Variants in IFT140 observed in about 807,000 individuals in gnomAD.
IFT140 encodes the protein intraflagellar transport protein 140 homolog.
In IFT140, 133 loss-of-function variants were observed where a neutral mutation model predicts 164.6. That is an observed-to-expected ratio of 0.81 (90% CI 0.70 to 0.93). The LOEUF (loss-of-function observed/expected upper bound fraction) is 0.93, where lower values mean the gene tolerates loss of function less well. Among genes scored for constraint, IFT140 ranks in the 40% least tolerant of loss-of-function variants. The pLI is 0.00. For synonymous variants in IFT140, 860 were observed against 817.3 expected (o/e 1.05, Z -0.89); for missense variants, 2,045 against 1,972.3 (o/e 1.04, Z -0.70).
intron 19 of IFT140, chr16:1,534,594 G>A (rs372773972): frequency 7.5e-6 from 12 of 1,595,780 alleles, no homozygotes; most frequent in East Asian, 2.2e-5. Flanking sequence ...CAGCGTGGCC[G>A]AGGCTCGAGG....
Position 1,534,565 on chromosome 16 carries a change from A to G in IFT140, c.2400-7769T>C, listed in dbSNP as rs375107209. 1.3e-5 allele frequency: 21 copies of G among 1,600,486 alleles called. No individual in the cohort carries two copies. The East Asian group carries it at 1.6e-4, about 12-fold the overall frequency. The stretch of plus-strand genomic sequence containing the variant: ...CGAGGCACCGTCAAACGTAAGTCCA[A>G]TTGTTTTCCTGATGCCTTCAGCGTG... On this transcript the variant is annotated intron_variant, in intron 19 of 30. Transcript: ENST00000426508.
rs750247837 is a variant in IFT140 at position 1,586,229 on chromosome 16, C to A, written c.1056G>T (p.Arg352Ser). The A allele has an allele frequency of 6.2e-7, 1 of 1,614,026 alleles. No homozygotes were observed. The highest frequency in any genetic ancestry group is 8.5e-7 in the Non-Finnish European group (1 of 1,180,000). ...GGCTGCCCAGGAAGTCTGGTACTTT[C>A]CTCCACATGGCTACTCGCCCTCTGT... The part of the protein sequence containing the change: ...GTDRGRVAMW[R>S]KVPDFLGSPG... Residue 352 changes from arginine to serine, a missense_variant, in exon 10 of 31, where the codon AGG becomes AGT. By Grantham distance (110) the Arg-to-Ser change is moderately radical (BLOSUM62 -1). Transcript: ENST00000426508.
At chr16:1,595,288 TAAAC>T (rs548828185) in intron 4 of IFT140, among the ~76,000 whole-genome samples, 61 of 140,794 alleles carry the variant, frequency 4.3e-4, no homozygotes, top group African/African-American at 1.1e-3. Flanking sequence ...TCGTCTCAAA[TAAAC>T]AAACAAACAA....
At position 1,524,792 on chromosome 16, in the gene IFT140, C is replaced by T; in HGVS notation, c.2989G>A (p.Val997Ile). The change falls in exon 23 of 31, where the codon GTC (valine) becomes ATC (isoleucine). Residue 997 changes from valine (V) to isoleucine (I), a missense_variant. Val to Ile is a conservative substitution (Grantham distance 29). Transcript: ENST00000426508. ...LVRIHCFQGN[V>I]QKAAQIANET... ...CCCTGCGGGGACCTTACCTTCTGGA[C>T]ATTGCCCTGGAAGCAGTGGATGCGG... is the stretch of plus-strand genomic sequence containing the variant. The T allele has an allele frequency of 6.2e-7, 1 of 1,608,306 alleles. No homozygotes were observed. The highest frequency in any genetic ancestry group is 1.1e-5 in the South Asian group (1 of 90,948).
At chr16:1,591,258 T>C (rs944953561) in intron 6 of IFT140, among the ~76,000 whole-genome samples, 1 of 152,096 alleles carries the variant, frequency 6.6e-6, no homozygotes, top group African/African-American at 2.4e-5. Flanking sequence ...TCATTAGCCT[T>C]CCTGGGGGGC....
chr16:1,558,237 C>G (rs1025698014), intron 18 of IFT140, 103 bp from the exon 19 acceptor site: 3 of 1,114,904 alleles, frequency 2.7e-6, no homozygotes, highest in Non-Finnish European at 4.0e-6. Context: ...GGGAGAAATC[C>G]CTCTGCAGAC....
At chr16:1,522,990 G>A (rs1041301356) in intron 26 of IFT140, among the ~76,000 whole-genome samples, 1 of 152,144 alleles carries the variant, frequency 6.6e-6, no homozygotes, top group Non-Finnish European at 1.5e-5. Context: ...GGAGGCTGAG[G>A]CAGGAGGATT....
intron 14 of IFT140, among the ~76,000 whole-genome samples, chr16:1,571,151 T>C (rs2141629670): frequency 6.6e-6 from 1 of 152,316 alleles, no homozygotes; most frequent in African/African-American, 2.4e-5. Context: ...CATGCACTCA[T>C]CATATAGAAG....
Position 1,520,143 on chromosome 16 carries a change from G to A in IFT140, c.3861C>T (p.Asp1287=), listed in dbSNP as rs143899594. ...RALDLLAGFY[D]ACAQVEIDEY... is the part of the protein sequence containing the mutation. ...GGAGGGCCTGCACCTGGGCACAAGC[G>A]TCATAAAAGCCAGCCAGGAGGTCCA... The change falls in exon 28 of 31, where the codon GAC becomes GAT. Residue 1287 remains aspartate (D), a synonymous_variant. Coordinates refer to ENST00000426508, the MANE Select transcript of IFT140 (RefSeq NM_014714.4). The A allele has an allele frequency of 1.5e-4, 236 of 1,614,072 alleles. 2 individuals are homozygous for A. The highest frequency in any genetic ancestry group is 1.2e-3 in the African/African-American group (93 of 75,072).
rs764243187 is a variant in IFT140 at position 1,558,022 on chromosome 16, G to A, written c.2312C>T (p.Ala771Val). 7 of 1,613,880 alleles carry A rather than the reference G, an allele frequency of 4.3e-6. No individual in the cohort carries two copies. The African/African-American group carries it at 5.3e-5, about 12-fold the overall frequency. Residue 771 changes from alanine to valine, a missense_variant, in exon 19 of 31, where the codon GCC becomes GTC. Ala to Val is a moderately conservative substitution (Grantham distance 64). Transcript: ENST00000426508. Reference sequence around the variant, plus strand: ...GAAGTGGAGCATGGCGTCCCGGGTGGCCTTGTCGCAGTCCTCCAGCCCCAC... The same window carrying A: ...GAAGTGGAGCATGGCGTCCCGGGTGACCTTGTCGCAGTCCTCCAGCCCCAC... Reference protein sequence around the residue: ...DFVGLEDCDKATRDAMLHFSF... With the variant: ...DFVGLEDCDKVTRDAMLHFSF...
chr16:1,534,994 C>T (rs562394141), intron 19 of IFT140, among the ~76,000 whole-genome samples: 80 of 152,038 alleles, frequency 5.3e-4, no homozygotes, highest in African/African-American at 1.8e-3. Flanking sequence ...TGCTTGAGGC[C>T]AAGAGTTCAA....
At chr16:1,560,308 G>A (rs541568081) in intron 18 of IFT140, among the ~76,000 whole-genome samples, 6 of 152,324 alleles carry the variant, frequency 3.9e-5, no homozygotes, top group African/African-American at 1.2e-4. Context: ...GCACCACGCC[G>A]GCCTCTGCTG....
rs200076064 is a variant in IFT140, at chr16:1,589,707, C to T, written c.708G>A (p.Leu236=). ...VVSADSTIQM[L]FYMEKREALV... is the part of the protein sequence containing the mutation. ...GTGCCTCCCTCTTCTCCATGTAGAA[C>T]AGCATCTGAATCGTGCTGTCTGCGG... Residue 236 remains leucine, a synonymous_variant, in exon 7 of 31, where the codon CTG becomes CTA. Coordinates refer to ENST00000426508, the MANE Select transcript of IFT140 (RefSeq NM_014714.4). The T allele has an allele frequency of 1.8e-5, 29 of 1,614,188 alleles. No individual in the cohort carries two copies. Among genetic ancestry groups the T allele is most frequent in the Admixed American group, 3.3e-5 (2 of 60,020 alleles).
chr16:1,581,727 A>C (rs2034568903), intron 12 of IFT140, among the ~76,000 whole-genome samples: 1 of 112,814 alleles, frequency 8.9e-6, no homozygotes, highest in Non-Finnish European at 1.8e-5. Context: ...AGGAGAGGGG[A>C]GGGGAGGAGC....
chr16:1,533,576 T>A lies in IFT140; in HGVS notation c.2400-6780A>T, dbSNP rs2030737402. The stretch of plus-strand genomic sequence containing the variant: ...CTGGCCTTTCCCATCAGGAAGCACA[T>A]CCTGTTGGTGTCTGGCTGCCGCGGC... On this transcript the variant is annotated intron_variant, in intron 19 of 30. Transcript: ENST00000426508. This position sits in a 1 kb window ranked among gnomAD's most constrained non-coding sequence, Gnocchi z 4.7. 6.6e-6 allele frequency: 1 copy of A among 152,312 alleles called. No individual in the cohort carries two copies. The highest frequency in any genetic ancestry group is 2.4e-5 in the African/African-American group (1 of 41,458). The allele number at this position is 152,312 out of a possible 1,614,324, so 9.4% of individuals were successfully genotyped here.
rs930943042 is a variant in IFT140, at chr16:1,524,986, C to T, written c.2865-70G>A. The T allele has an allele frequency of 2.6e-6, 4 of 1,551,826 alleles. No individual in the cohort carries two copies. In the African/African-American group the frequency reaches 4.0e-5, roughly 16 times the overall value. On this transcript the variant is annotated intron_variant, in intron 22 of 30. Coordinates refer to ENST00000426508, the MANE Select transcript of IFT140 (RefSeq NM_014714.4). ...CCAACCCGGGACGGCCCCCACCCCG[C>T]CCCTGTGCCACCCTTAGAGTGCATG...
chr16:1,609,762 A>G (rs1409165694), intron 2 of IFT140, among the ~76,000 whole-genome samples: 1 of 152,238 alleles, frequency 6.6e-6, no homozygotes, highest in Non-Finnish European at 1.5e-5. Flanking sequence ...ATAATTTAAA[A>G]AGTTAACACA....
Position 1,553,965 on chromosome 16 carries a change from C to A in IFT140, c.2399+3970G>T, listed in dbSNP as rs768066738. 2.3e-6 allele frequency: 3 copies of A among 1,287,042 alleles called. No homozygotes were observed. Among genetic ancestry groups the A allele is most frequent in the Non-Finnish European group, 2.0e-6 (2 of 988,652 alleles). The allele number at this position is 1,287,042 out of a possible 1,614,324, so 79.7% of individuals were successfully genotyped here. ...ACTGTAAGTGAAACTGTAGCATCAG[C>A]GACTAACTAGACGGGAACAAGCTGC... On this transcript the variant is annotated intron_variant, in intron 19 of 30. Coordinates refer to ENST00000426508, the MANE Select transcript of IFT140 (RefSeq NM_014714.4). This position sits in a 1 kb window ranked among gnomAD's most constrained non-coding sequence, Gnocchi z 4.4.
At chr16:1,538,564 C>T (rs2031310046) in intron 19 of IFT140, among the ~76,000 whole-genome samples, 1 of 152,170 alleles carries the variant, frequency 6.6e-6, no homozygotes, top group African/African-American at 2.4e-5. Context: ...GAGCCCTGGG[C>T]AGGGAATCTG....
Sources: allele counts gnomAD v4.1 joint callset (sites outside exome capture counted in the v4.1 genomes callset), GRCh38; gene constraint gnomAD v4.1.1; non-coding constraint Gnocchi (gnomAD v3.1); transcripts MANE v1.5; gene names NCBI Gene and HGNC (gene_info 2026-07-23, HGNC 2026-07-21).